TMEM63C: variants seen among roughly 807,000 people sequenced by gnomAD.
TMEM63C encodes transmembrane protein 63C.
TMEM63C carries 32 observed loss-of-function variants against 99.2 expected under a neutral mutation model. The observed-to-expected ratio is 0.32, with a 90% CI of 0.24 to 0.43. The LOEUF (loss-of-function observed/expected upper bound fraction) is 0.43. TMEM63C is among the 20% of genes least tolerant of loss of function. The pLI, the probability that TMEM63C is intolerant of heterozygous loss-of-function variation, is 1.00. For missense variants in TMEM63C, 826 were observed against 1,053.0 expected, an observed-to-expected ratio of 0.78 and a Z score of 2.98; for synonymous variants, 376 against 397.9, an observed-to-expected ratio of 0.94 and a Z score of 0.66.
chr14:77,181,872 G>C lies in TMEM63C; in HGVS notation c.-99G>C, dbSNP rs1357876218. 1 of 147,706 alleles carries C rather than the reference G, an allele frequency of 6.8e-6. No homozygotes were observed. The highest frequency in any genetic ancestry group is 6.7e-5 in the Admixed American group (1 of 14,950). 9.1% of individuals were successfully genotyped at this position (147,706 alleles called of 1,614,324 possible). ...CCTGAGCGCCGAGCCTGGGGCTGGG[G>C]CCGCGGTGCTGAGGACGCAAATGTG... On this transcript the variant is annotated 5_prime_UTR_variant, in exon 1 of 24. Transcript: ENST00000298351.
Position 77,244,438 on chromosome 14 carries a change from C to G in TMEM63C, c.1431C>G (p.Leu477=). Residue 477 remains leucine (L), a synonymous_variant, in exon 16 of 24, where the codon CTC becomes CTG. Coordinates refer to ENST00000298351, the MANE Select transcript of TMEM63C (RefSeq NM_020431.4). ...LPLIVYFSAF[L]EAHWTRSSQN... ...TGATTGTCTACTTCTCCGCCTTCCTCGAGGCCCACTGGACCAGGTGACCTG... is the reference window on the plus strand; with the variant it reads ...TGATTGTCTACTTCTCCGCCTTCCTGGAGGCCCACTGGACCAGGTGACCTG... 1.2e-6 allele frequency: 2 copies of G among 1,613,806 alleles called. No individual in the cohort carries two copies. The highest frequency in any genetic ancestry group is 1.7e-6 in the Non-Finnish European group (2 of 1,179,800).
intron 1 of TMEM63C, among the ~76,000 whole-genome samples, chr14:77,208,150 G>A (rs1268361315): frequency 6.6e-6 from 1 of 152,176 alleles, no homozygotes; most frequent in Non-Finnish European, 1.5e-5. Flanking sequence ...AGCAAAACCA[G>A]GACTGGGACA....
At chr14:77,201,896 C>T (rs778802163) in intron 1 of TMEM63C, among the ~76,000 whole-genome samples, 1 of 152,322 alleles carries the variant, frequency 6.6e-6, no homozygotes, top group African/African-American at 2.4e-5. Flanking sequence ...AGGCTGAGAT[C>T]ATTGCACTGA....
chr14:77,251,634 A>G, intron 21 of TMEM63C, 155 bp from the exon 22 acceptor site: 1 of 628,576 alleles, frequency 1.6e-6, no homozygotes, highest in South Asian at 1.9e-5. Context: ...GGATGATGTT[A>G]TTTTGTCAGA....
At chr14:77,211,221 G>T (rs991368411) in intron 1 of TMEM63C, among the ~76,000 whole-genome samples, 1 of 152,194 alleles carries the variant, frequency 6.6e-6, no homozygotes, top group Admixed American at 6.5e-5. Context: ...AGGCTCAGGG[G>T]CCAGCAAAGC....
intron 8 of TMEM63C, 132 bp from the exon 9 acceptor site, chr14:77,236,492 G>A: frequency 1.5e-6 from 1 of 652,104 alleles, no homozygotes; most frequent in Non-Finnish European, 2.8e-6. Context: ...ATGGTTGTGG[G>A]GGTCTGAGGA....
chr14:77,192,521 C>A (rs1336951139), intron 1 of TMEM63C, among the ~76,000 whole-genome samples: 1 of 151,906 alleles, frequency 6.6e-6, no homozygotes, highest in East Asian at 1.9e-4. Flanking sequence ...ACTGTGTAGC[C>A]CTTTGAAAAA....
chr14:77,211,824 A>G (rs1218604876), intron 1 of TMEM63C, among the ~76,000 whole-genome samples: 1 of 152,220 alleles, frequency 6.6e-6, no homozygotes, highest in Non-Finnish European at 1.5e-5. Context: ...ACACTCTCCC[A>G]TCAGATAAGA....
intron 7 of TMEM63C, among the ~76,000 whole-genome samples, chr14:77,233,153 T>A (rs381580): frequency 0.065 from 9,825 of 152,310 alleles, 410 homozygotes; most frequent in Admixed American, 0.1. Flanking sequence ...CGTGGCTGGA[T>A]GGCTGGTGCC....
chr14:77,250,578 T>C (rs1889343530), intron 21 of TMEM63C, among the ~76,000 whole-genome samples: 1 of 152,120 alleles, frequency 6.6e-6, no homozygotes, highest in African/African-American at 2.4e-5. Context: ...TTGCTGGGAC[T>C]ACAGGCGGGT....
intron 1 of TMEM63C, among the ~76,000 whole-genome samples, chr14:77,207,002 G>T (rs1888413847): frequency 6.6e-6 from 1 of 151,014 alleles, no homozygotes; most frequent in Non-Finnish European, 1.5e-5. Context: ...TCCTCCCCGT[G>T]TCTCCCTGAG....
At chr14:77,246,864 G>A (rs1430060586) in intron 18 of TMEM63C, among the ~76,000 whole-genome samples, 190 bp downstream of exon 18, 2 of 152,156 alleles carry the variant, frequency 1.3e-5, no homozygotes, top group Non-Finnish European at 2.9e-5. Context: ...TAAGCCCAGG[G>A]ACCCCTTCTC....
At chr14:77,201,218 CT>C (rs1888296038) in intron 1 of TMEM63C, 1 of 152,226 alleles carries the variant, frequency 6.6e-6, no homozygotes, top group Non-Finnish European at 1.5e-5. Flanking sequence ...GCTCCCAGTA[CT>C]CCTTGAACAG....
In TMEM63C at chr14:77,218,869, T is replaced by C. The variant is rs1390405772; in HGVS notation, c.56T>C (p.Val19Ala). 6.2e-7 allele frequency: 1 copy of C among 1,613,510 alleles called. No individual in the cohort carries two copies. Among genetic ancestry groups the C allele is most frequent in the East Asian group, 2.2e-5 (1 of 44,894 alleles). ...GGGGGAAGGTTACAGAACATGACAG[T>C]GGATGAATGCTTCCAGTCTCGGAAC... ...STGGRLQNMT[V>A]DECFQSRNTV... The change falls in exon 3 of 24, where the codon GTG becomes GCG. Residue 19 changes from valine (V) to alanine (A), a missense_variant. Physicochemically the swap from Val to Ala is moderately conservative, Grantham distance 64. Transcript: ENST00000298351.
chr14:77,240,717 T>C, intron 13 of TMEM63C, 109 bp downstream of exon 13: 2 of 1,382,742 alleles, frequency 1.4e-6, no homozygotes, highest in Non-Finnish European at 9.7e-7. Flanking sequence ...GGGCCCTCCA[T>C]GCTCGTCACA....
chr14:77,249,138 G>T (rs543780236), intron 20 of TMEM63C, among the ~76,000 whole-genome samples, 153 bp from the exon 21 acceptor site: 1 of 152,108 alleles, frequency 6.6e-6, no homozygotes, highest in Non-Finnish European at 1.5e-5. Context: ...TGCTGGCTCC[G>T]GAGGTCAGTA....
At chr14:77,245,867 T>TA in intron 16 of TMEM63C, 73 bp from the exon 17 acceptor site, 1 of 1,084,516 alleles carries the variant, frequency 9.2e-7, no homozygotes, top group Non-Finnish European at 1.4e-6. Context: ...TCTCTTCCTC[T>TA]CTATTACATA....
chr14:77,258,283 C>T lies in TMEM63C; in HGVS notation c.*1557C>T, dbSNP rs1889510976. 6.5e-6 allele frequency: 1 copy of T among 152,846 alleles called. No individual in the cohort carries two copies. Among genetic ancestry groups the T allele is most frequent in the Non-Finnish European group, 1.5e-5 (1 of 68,560 alleles). The allele number at this position is 152,846 out of a possible 1,614,324, so 9.5% of individuals were successfully genotyped here. A position where few individuals can be genotyped will look rare whatever the true frequency, so the allele number is the denominator to read the frequency against. On this transcript the variant is annotated 3_prime_UTR_variant, in exon 24 of 24. Coordinates refer to ENST00000298351, the MANE Select transcript of TMEM63C (RefSeq NM_020431.4). ...GGCTCACCTCACCTGAGCACCTGCA[C>T]CAGGCCCCAGGCACATGGCTGCCCT...
In TMEM63C at chr14:77,194,334, ATATGTGTGTGTGTGTGTGTGTG is replaced by A. The variant is rs1479075438; in HGVS notation, c.-77+12442_-77+12463del. Among the ~76,000 whole-genome samples, 365 of 72,046 alleles carry A rather than the reference ATATGTGTGTGTGTGTGTGTGTG, an allele frequency of 5.1e-3. 5 individuals carry two copies. Among genetic ancestry groups the A allele is most frequent in the African/African-American group, 0.011 (335 of 30,186 alleles). 47.3% of individuals were successfully genotyped at this position (72,046 alleles called of 152,430 possible). A position where few individuals can be genotyped will look rare whatever the true frequency, so the allele number is the denominator to read the frequency against. ...TAAAGATGCAGGCATAGATATATAT[ATATGTGTGTGTGTGTGTGTGTG>A]TGTGTGTGTGTGTGTGTGTGTGTGT... On this transcript the variant is annotated intron_variant, in intron 1 of 23. Coordinates refer to ENST00000298351, the MANE Select transcript of TMEM63C (RefSeq NM_020431.4).
Sources: allele counts gnomAD v4.1 joint callset (sites outside exome capture counted in the v4.1 genomes callset), GRCh38; gene constraint gnomAD v4.1.1; transcripts MANE v1.5; gene names NCBI Gene and HGNC (gene_info 2026-07-23, HGNC 2026-07-21).